Variants in SPATS2L observed in about 807,000 individuals in gnomAD.
The protein encoded by SPATS2L is spermatogenesis associated serine rich 2 like.
Under a neutral mutation model 59.6 loss-of-function variants are expected in SPATS2L, and 30 were observed. That is an observed-to-expected ratio of 0.50 (90% CI 0.38 to 0.68). The LOEUF is 0.68. Ranked by LOEUF, SPATS2L falls within the 30% of genes least tolerant of loss-of-function variation. The probability of loss-of-function intolerance (pLI) is 0.00; values close to 1 mark genes in which losing one functional copy is unlikely to be tolerated. For synonymous variants in SPATS2L, 252 were observed against 263.5 expected (o/e 0.96, Z 0.42); for missense variants, 615 against 700.0 (o/e 0.88, Z 1.37).
chr2:200,468,469 G>C (rs539683240), intron 10 of SPATS2L, among the ~76,000 whole-genome samples: 1 of 151,840 alleles, frequency 6.6e-6, no homozygotes, highest in Non-Finnish European at 1.5e-5. Flanking sequence ...GCAAATTGGG[G>C]CATAAAACTG....
chr2:200,477,649 AC>A lies in SPATS2L; in HGVS notation c.1297del (p.Gln433LysfsTer14). On this transcript the variant is annotated frameshift_variant, in exon 13 of 13. Coordinates refer to ENST00000409140, the MANE Select transcript of SPATS2L (RefSeq NM_001100423.2). LOFTEE classifies it high-confidence loss of function. ...CTTTTTTGGTAGAATGGATCTTCTA[AC>A]CAAAGACGGAGATTTAATCCACAGT... ...MPANKQNGSS[N>X]QRRRFNPQYH... 6.5e-7 allele frequency: 1 copy of A among 1,549,034 alleles called. No homozygotes were observed. The highest frequency in any genetic ancestry group is 8.7e-7 in the Non-Finnish European group (1 of 1,146,468).
In SPATS2L at chr2:200,467,335, G is replaced by A; in HGVS notation, c.893G>A (p.Arg298Lys). 2 of 1,614,044 alleles carry A rather than the reference G, an allele frequency of 1.2e-6. No individual in the cohort carries two copies. The highest frequency in any genetic ancestry group is 1.7e-6 in the Non-Finnish European group (2 of 1,179,900). ...ARQKKAEELK[R>K]LTDLASQMAE... ...CAGAAGAAAGCAGAAGAACTAAAGAGACTCACTGACCTTGCCAGTCAGATG... is the reference window on the plus strand; with the variant it reads ...CAGAAGAAAGCAGAAGAACTAAAGAAACTCACTGACCTTGCCAGTCAGATG... The change falls in exon 10 of 13, where the codon AGA (arginine) becomes AAA (lysine). Residue 298 changes from arginine (R) to lysine (K), a missense_variant. Arg to Lys is a conservative substitution (Grantham distance 26, BLOSUM62 2). Coordinates refer to ENST00000409140, the MANE Select transcript of SPATS2L (RefSeq NM_001100423.2).
intron 2 of SPATS2L, among the ~76,000 whole-genome samples, chr2:200,369,590 A>G (rs1046531824): frequency 6.6e-6 from 1 of 152,178 alleles, no homozygotes; most frequent in African/African-American, 2.4e-5. Context: ...GATAGTAAGT[A>G]TAATAATACT....
At chr2:200,466,013 A>C (rs917702858) in intron 9 of SPATS2L, among the ~76,000 whole-genome samples, 3 of 152,190 alleles carry the variant, frequency 2.0e-5, no homozygotes, top group Admixed American at 6.5e-5. Context: ...GCCTGGACGA[A>C]AGAGCGAGAC....
At position 200,344,080 on chromosome 2, in the gene SPATS2L, A is replaced by C. The variant is rs1464797345; in HGVS notation, c.-23+14600A>C. Among the ~76,000 whole-genome samples, 4 of 151,434 alleles carry C rather than the reference A, an allele frequency of 2.6e-5. No individual in the cohort carries two copies. The East Asian group carries it at 7.7e-4, about 29-fold the overall frequency. On this transcript the variant is annotated intron_variant, in intron 2 of 12. Transcript: ENST00000409140. ...ATTTATTTTTAAATAAAATTTATTA[A>C]AAAAAAATAGATTTGAGGGTGCATG...
intron 1 of SPATS2L, among the ~76,000 whole-genome samples, chr2:200,313,900 G>C (rs1365468842): frequency 6.6e-6 from 1 of 152,076 alleles, no homozygotes; most frequent in African/African-American, 2.4e-5. Flanking sequence ...CCTGTTTTCT[G>C]AGTTATCCAT....
chr2:200,413,591 C>T (rs2082960975), intron 4 of SPATS2L, among the ~76,000 whole-genome samples: 1 of 152,214 alleles, frequency 6.6e-6, no homozygotes, highest in African/African-American at 2.4e-5. Context: ...CAAATAAGGT[C>T]AAGGAAGACC....
intron 6 of SPATS2L, among the ~76,000 whole-genome samples, chr2:200,427,235 A>C (rs1352238592): frequency 6.6e-6 from 1 of 152,122 alleles, no homozygotes; most frequent in Non-Finnish European, 1.5e-5. Flanking sequence ...TTTCTATTAA[A>C]ATGCAATAAG....
intron 2 of SPATS2L, among the ~76,000 whole-genome samples, chr2:200,387,020 C>A (rs555136098): frequency 1.3e-5 from 2 of 152,326 alleles, no homozygotes; most frequent in African/African-American, 4.8e-5. Context: ...TTACTTTCCA[C>A]CCCTGGCTTG....
chr2:200,471,688 G>A (rs1008269940), intron 11 of SPATS2L, among the ~76,000 whole-genome samples: 2 of 152,148 alleles, frequency 1.3e-5, no homozygotes, highest in Non-Finnish European at 2.9e-5. Flanking sequence ...AGGAGCCACG[G>A]AAATCCCCTG....
At chr2:200,477,515 TAAAAAAA>T (rs59073895) in intron 12 of SPATS2L, 114 bp from the exon 13 acceptor site, 25,355 of 299,900 alleles carry the variant, frequency 0.085, 21 homozygotes, top group Middle Eastern at 0.11. Context: ...TTCTGGTGTA[TAAAAAAA>T]AAAAAAAAAA....
chr2:200,476,134 A>G (rs1417743232), intron 12 of SPATS2L, among the ~76,000 whole-genome samples: 3 of 152,208 alleles, frequency 2.0e-5, no homozygotes, highest in South Asian at 4.1e-4. Context: ...TCCCTTGTAA[A>G]GGAGCTTAAT....
At chr2:200,429,327 G>A (rs1192611285) in intron 6 of SPATS2L, among the ~76,000 whole-genome samples, 3 of 152,218 alleles carry the variant, frequency 2.0e-5, no homozygotes, top group African/African-American at 7.2e-5. Context: ...TCCACATTTA[G>A]CATGAGAGCA....
At chr2:200,419,873 G>T (rs2083238417) in intron 6 of SPATS2L, among the ~76,000 whole-genome samples, 1 of 152,078 alleles carries the variant, frequency 6.6e-6, no homozygotes, top group Non-Finnish European at 1.5e-5. Context: ...ACCACACTTA[G>T]CCAGTCAGAG....
intron 2 of SPATS2L, among the ~76,000 whole-genome samples, chr2:200,378,810 A>G (rs2081692595): frequency 1.3e-5 from 2 of 152,206 alleles, no homozygotes; most frequent in African/African-American, 4.8e-5. Context: ...TGCCAGGTTT[A>G]GTTAGGGGTT....
At position 200,362,845 on chromosome 2, in the gene SPATS2L, C is replaced by T. The variant is rs2081152754; in HGVS notation, c.-22-26378C>T. On this transcript the variant is annotated intron_variant, in intron 2 of 12. Coordinates refer to ENST00000409140, the MANE Select transcript of SPATS2L (RefSeq NM_001100423.2). ...CTGCAGTAGAAGGTTGGTGTTGCAG[C>T]TTTGTGGCTCTCAGGCCTCCATTTC... Among the ~76,000 whole-genome samples, 3 of 152,298 alleles carry T rather than the reference C, an allele frequency of 2.0e-5. No individual in the cohort carries two copies. The South Asian group carries it at 6.2e-4, about 32-fold the overall frequency.
intron 9 of SPATS2L, chr2:200,463,170 GATAGAAAGA>G (rs1269232002): frequency 3.9e-5 from 6 of 152,062 alleles, no homozygotes; most frequent in Non-Finnish European, 7.4e-5. Context: ...CTTCTCCACA[GATAGAAAGA>G]ACCATGGAAT....
chr2:200,426,491 G>A (rs1273690654), intron 6 of SPATS2L, among the ~76,000 whole-genome samples: 1 of 152,208 alleles, frequency 6.6e-6, no homozygotes, highest in Non-Finnish European at 1.5e-5. Context: ...CACTTTGGGA[G>A]GCCAAGGCAG....
chr2:200,412,451 G>A (rs780021037), intron 4 of SPATS2L, 32 bp downstream of exon 4: 1 of 1,268,400 alleles, frequency 7.9e-7, no homozygotes, highest in Non-Finnish European at 1.1e-6. Context: ...AGCTGAAGAT[G>A]TTAGACTTAA....
Sources: gnomAD v4.1 joint callset for allele counts (sites outside exome capture counted in the v4.1 genomes callset) on GRCh38, gnomAD v4.1.1 for gene constraint, MANE v1.5 for transcripts, NCBI Gene and HGNC (gene_info 2026-07-23, HGNC 2026-07-21) for gene names.